The following TBC1D22A variants were observed in gnomAD, a reference collection of about 807,000 sequenced individuals.
TBC1D22A encodes the protein TBC1 domain family member 22A.
Under a neutral mutation model 60.2 loss-of-function variants are expected in TBC1D22A, and 38 were observed. The observed-to-expected ratio is 0.63, with a 90% CI of 0.49 to 0.83. The LOEUF is 0.83. Among genes scored for constraint, TBC1D22A ranks in the 40% least tolerant of loss-of-function variants. The pLI is 0.00. For missense variants in TBC1D22A, 628 were observed against 701.0 expected (o/e 0.90, Z 1.18); for synonymous variants, 302 against 281.7 (o/e 1.07, Z -0.72).
chr22:46,880,344 T>A (rs1203919133), intron 5 of TBC1D22A, among the ~76,000 whole-genome samples: 3 of 152,204 alleles, frequency 2.0e-5, no homozygotes, highest in African/African-American at 7.2e-5. Flanking sequence ...TCTGTCTCAG[T>A]GAGCAGAGGA....
chr22:47,161,718 G>C (rs1005954908), intron 12 of TBC1D22A, among the ~76,000 whole-genome samples: 2 of 152,262 alleles, frequency 1.3e-5, no homozygotes, highest in African/African-American at 4.8e-5. Flanking sequence ...TGGACCCTGT[G>C]TGCCAGCCAG....
intron 11 of TBC1D22A, among the ~76,000 whole-genome samples, chr22:47,067,973 C>G (rs1279556975): frequency 6.6e-6 from 1 of 152,248 alleles, no homozygotes; most frequent in Non-Finnish European, 1.5e-5. Flanking sequence ...ACATAACAGA[C>G]TGACAAGCAC....
chr22:47,130,212 A>T (rs938929692), intron 12 of TBC1D22A, among the ~76,000 whole-genome samples: 1 of 152,120 alleles, frequency 6.6e-6, no homozygotes, highest in Admixed American at 6.5e-5. Flanking sequence ...CCCACCAGAC[A>T]GGTTACCGGA....
chr22:47,015,860 C>T (rs768602893), intron 10 of TBC1D22A, among the ~76,000 whole-genome samples: 4 of 152,168 alleles, frequency 2.6e-5, no homozygotes, highest in Non-Finnish European at 5.9e-5. Context: ...CCAGGCCAGC[C>T]GAGGAGCCTG....
chr22:47,131,273 C>T (rs2066668820), intron 12 of TBC1D22A, among the ~76,000 whole-genome samples: 1 of 152,256 alleles, frequency 6.6e-6, no homozygotes, highest in South Asian at 2.1e-4. Flanking sequence ...GCAAGTGCCA[C>T]ATGTAAGACC....
intron 10 of TBC1D22A, among the ~76,000 whole-genome samples, chr22:47,014,239 A>G (rs2061838061): frequency 6.6e-6 from 1 of 152,074 alleles, no homozygotes; most frequent in African/African-American, 2.4e-5. Flanking sequence ...CCACTCCTCC[A>G]TCTGCTTCCC....
rs868024567 is a variant in TBC1D22A, at chr22:47,022,885, G to A, written c.1202-14186G>A. ...CCACACAATTAATCTGTTCCCAAAT[G>A]ACTTAATTGCATCCCAGCAAAAATT... On this transcript the variant is annotated intron_variant, in intron 10 of 12. Coordinates refer to ENST00000337137, the MANE Select transcript of TBC1D22A (RefSeq NM_014346.5). Among the ~76,000 whole-genome samples the A allele has an allele frequency of 2.0e-5, 3 of 152,136 alleles. No individual in the cohort carries two copies. In the East Asian group the frequency reaches 5.8e-4, roughly 29 times the overall value.
chr22:47,024,810 T>G (rs1478692240), intron 10 of TBC1D22A, among the ~76,000 whole-genome samples: 1 of 151,966 alleles, frequency 6.6e-6, no homozygotes, highest in East Asian at 1.9e-4. Context: ...TGAGCCATGA[T>G]CACGCTGCAG....
chr22:47,076,986 C>T (rs2064255699), intron 11 of TBC1D22A, among the ~76,000 whole-genome samples: 1 of 152,128 alleles, frequency 6.6e-6, no homozygotes, highest in Non-Finnish European at 1.5e-5. Context: ...AGAAGGGCAT[C>T]ATGCCTTCTT....
chr22:47,111,893 G>A (rs746565484), intron 12 of TBC1D22A, among the ~76,000 whole-genome samples: 2 of 152,178 alleles, frequency 1.3e-5, no homozygotes, highest in Non-Finnish European at 2.9e-5. Flanking sequence ...TCAGCAGCAC[G>A]ACCCCTGCAG....
intron 11 of TBC1D22A, among the ~76,000 whole-genome samples, chr22:47,069,725 C>G (rs2063896458): frequency 8.9e-6 from 1 of 112,138 alleles, no homozygotes. Flanking sequence ...CCTGGCTGTT[C>G]CCGGTTGTTT....
intron 8 of TBC1D22A, among the ~76,000 whole-genome samples, chr22:46,937,463 A>G (rs570013120): frequency 6.6e-6 from 1 of 152,304 alleles, no homozygotes; most frequent in Non-Finnish European, 1.5e-5. Context: ...CAACAAACCT[A>G]CTGCACTGCC....
chr22:46,816,168 G>A (rs1302466334), intron 4 of TBC1D22A, among the ~76,000 whole-genome samples: 3 of 152,198 alleles, frequency 2.0e-5, no homozygotes, highest in Non-Finnish European at 4.4e-5. Context: ...CTGCCTGCCT[G>A]CTCTTGGCGG....
At chr22:47,067,561 C>T (rs984250752) in intron 11 of TBC1D22A, among the ~76,000 whole-genome samples, 3 of 152,166 alleles carry the variant, frequency 2.0e-5, no homozygotes, top group Admixed American at 1.3e-4. Flanking sequence ...TGAGTAAAGG[C>T]GCCGGCTCCA....
chr22:47,086,006 G>T (rs1357177456), intron 11 of TBC1D22A, among the ~76,000 whole-genome samples: 1 of 152,242 alleles, frequency 6.6e-6, no homozygotes, highest in Non-Finnish European at 1.5e-5. Context: ...CTTAGATTAA[G>T]CATTTGAAGC....
rs552739136 is a variant in TBC1D22A at position 46,860,874 on chromosome 22, G to C, written c.638-17779G>C. 1.1e-4 allele frequency among the ~76,000 whole-genome samples: 17 copies of C among 152,354 alleles called. No homozygotes were observed. In the South Asian group the frequency reaches 3.5e-3, roughly 32 times the overall value. The stretch of plus-strand genomic sequence containing the variant: ...GTGTTGAGTGGGGGTTACAGGGTGT[G>C]GGACAGAGGGAGAAGGTGCACATCA... On this transcript the variant is annotated intron_variant, in intron 4 of 12. Coordinates refer to ENST00000337137, the MANE Select transcript of TBC1D22A (RefSeq NM_014346.5).
intron 1 of TBC1D22A, among the ~76,000 whole-genome samples, chr22:46,771,568 T>C (rs920459965): frequency 6.6e-6 from 1 of 152,010 alleles, no homozygotes; most frequent in Non-Finnish European, 1.5e-5. Context: ...CTTATGACTT[T>C]GCATCCTCAT....
intron 4 of TBC1D22A, among the ~76,000 whole-genome samples, chr22:46,866,536 T>C (rs2067065225): frequency 6.6e-6 from 1 of 152,234 alleles, no homozygotes; most frequent in South Asian, 2.1e-4. Flanking sequence ...TGAAAAGAAC[T>C]GTTACTCTTC....
At chr22:47,155,255 C>T (rs1022926498) in intron 12 of TBC1D22A, among the ~76,000 whole-genome samples, 3 of 151,988 alleles carry the variant, frequency 2.0e-5, no homozygotes, top group Non-Finnish European at 2.9e-5. Flanking sequence ...CAGTATACAT[C>T]GCTGTGCCAT....
Sources: allele counts gnomAD v4.1 joint callset (sites outside exome capture counted in the v4.1 genomes callset), GRCh38; gene constraint gnomAD v4.1.1; transcripts MANE v1.5; gene names NCBI Gene and HGNC (gene_info 2026-07-23, HGNC 2026-07-21).